RYR3: variants seen among roughly 807,000 people sequenced by gnomAD.
The protein encoded by RYR3 is ryanodine receptor 3, also known as brain ryanodine receptor-calcium release channel.
RYR3 carries 207 observed loss-of-function variants against 584.3 expected under a neutral mutation model. The observed-to-expected ratio is 0.35, with a 90% CI of 0.32 to 0.40. RYR3 has a LOEUF of 0.40. Among genes scored for constraint, RYR3 ranks in the 10% least tolerant of loss-of-function variants. The probability of loss-of-function intolerance (pLI) is 1.00; values close to 1 mark genes in which losing one functional copy is unlikely to be tolerated. For synonymous variants in RYR3, 2,416 were observed against 2,248.5 expected (o/e 1.07, Z -2.11); for missense variants, 5,616 against 6,089.2 (o/e 0.92, Z 2.59).
intron 1 of RYR3, among the ~76,000 whole-genome samples, chr15:33,317,360 T>G (rs1386246793): frequency 2.6e-5 from 4 of 152,166 alleles, no homozygotes; most frequent in South Asian, 2.1e-4. Context: ...CAGATGCTTC[T>G]AGGGTGGAGA....
intron 8 of RYR3, among the ~76,000 whole-genome samples, chr15:33,544,557 G>A (rs2056091992): frequency 6.6e-6 from 1 of 152,198 alleles, no homozygotes; most frequent in Admixed American, 6.5e-5. Context: ...CACACTGGCT[G>A]ATTTCAGATG....
chr15:33,794,090 AATAT>A (rs2075367240), intron 67 of RYR3, among the ~76,000 whole-genome samples: 1 of 127,576 alleles, frequency 7.8e-6, no homozygotes, highest in African/African-American at 3.1e-5. Context: ...ATATATACAT[AATAT>A]ATATTATATA....
intron 100 of RYR3, 109 bp from the exon 101 acceptor site, chr15:33,860,486 T>TG (rs1192414277): frequency 1.6e-6 from 1 of 620,088 alleles, no homozygotes; most frequent in Non-Finnish European, 2.7e-6. Context: ...AATTTTGCTT[T>TG]GATAATTCAC....
At chr15:33,335,676 C>T (rs1237014832) in intron 1 of RYR3, among the ~76,000 whole-genome samples, 1 of 151,436 alleles carries the variant, frequency 6.6e-6, no homozygotes, top group African/African-American at 2.4e-5. Flanking sequence ...ACTTCCTGCA[C>T]CTGTACACTT....
At chr15:33,550,755 T>C (rs2056617933) in intron 10 of RYR3, among the ~76,000 whole-genome samples, 3 of 152,198 alleles carry the variant, frequency 2.0e-5, no homozygotes, top group African/African-American at 7.2e-5. Flanking sequence ...AAGATTTAAA[T>C]GTAAAAAGCA....
At chr15:33,645,973 A>G (rs2062079938) in intron 28 of RYR3, among the ~76,000 whole-genome samples, 1 of 152,144 alleles carries the variant, frequency 6.6e-6, no homozygotes, top group Admixed American at 6.5e-5. Flanking sequence ...TTTCATGCCC[A>G]GTGACAAGCA....
At chr15:33,672,594 T>C (rs2063913056) in intron 38 of RYR3, among the ~76,000 whole-genome samples, 1 of 152,160 alleles carries the variant, frequency 6.6e-6, no homozygotes, top group South Asian at 2.1e-4. Flanking sequence ...AGAGAGTGGT[T>C]TAACAACCAC....
chr15:33,484,233 T>G (rs2050218098), intron 2 of RYR3, among the ~76,000 whole-genome samples: 1 of 151,954 alleles, frequency 6.6e-6, no homozygotes, highest in Non-Finnish European at 1.5e-5. Flanking sequence ...AGAAAAAGTT[T>G]TAAGGTTGTA....
intron 1 of RYR3, among the ~76,000 whole-genome samples, chr15:33,336,516 G>A (rs8028569): frequency 0.16 from 3,617 of 22,592 alleles, 1,296 homozygotes; most frequent in African/African-American, 0.4. Context: ...GAGGGAAGGA[G>A]GGAAGGAGGG....
chr15:33,832,163 G>A (rs920967364), intron 86 of RYR3, among the ~76,000 whole-genome samples: 4 of 151,820 alleles, frequency 2.6e-5, no homozygotes, highest in South Asian at 2.1e-4. Flanking sequence ...GCATGGTGTC[G>A]TGCGCGTGTA....
intron 52 of RYR3, among the ~76,000 whole-genome samples, 160 bp downstream of exon 52, chr15:33,742,604 A>C (rs1183894438): frequency 6.6e-6 from 1 of 152,174 alleles, no homozygotes; most frequent in Non-Finnish European, 1.5e-5. Flanking sequence ...GGGTTGGTGG[A>C]GGTCAAAGAA....
intron 94 of RYR3, among the ~76,000 whole-genome samples, 159 bp downstream of exon 94, chr15:33,848,580 C>G (rs2078874874): frequency 6.6e-6 from 1 of 152,202 alleles, no homozygotes; most frequent in African/African-American, 2.4e-5. Flanking sequence ...TACTGCCCAT[C>G]AAATACTTGT....
At position 33,816,867 on chromosome 15, in the gene RYR3, G is replaced by A. The variant is rs372700273; in HGVS notation, c.10508G>A (p.Arg3503His). ...MAPLYNLPRHRSINLFLHGYQ... is the reference protein window; with the variant it reads ...MAPLYNLPRHHSINLFLHGYQ... ...CTCTCACCCCTTCCGCTCAGGCACCGCTCTATTAACCTCTTCCTCCATGGC... is the reference window on the plus strand; with the variant it reads ...CTCTCACCCCTTCCGCTCAGGCACCACTCTATTAACCTCTTCCTCCATGGC... The change falls in exon 75 of 104, where the codon CGC (arginine) becomes CAC (histidine). Residue 3503 changes from arginine (R) to histidine (H), a missense_variant. Transcript: ENST00000634891. 45 of 1,609,742 alleles carry A rather than the reference G, an allele frequency of 2.8e-5. 1 individual carries two copies. Among genetic ancestry groups the A allele is most frequent in the South Asian group, 2.1e-4 (19 of 90,310 alleles).
intron 1 of RYR3, among the ~76,000 whole-genome samples, chr15:33,464,634 TTTTA>T (rs1306275405): frequency 6.6e-6 from 1 of 151,196 alleles, no homozygotes; most frequent in Non-Finnish European, 1.5e-5. Flanking sequence ...ATTGATATAT[TTTTA>T]TTTAAGGTAT....
chr15:33,363,172 G>T (rs1030428422), intron 1 of RYR3, among the ~76,000 whole-genome samples: 1 of 152,190 alleles, frequency 6.6e-6, no homozygotes, highest in Non-Finnish European at 1.5e-5. Context: ...AGAAAGCAGA[G>T]AACTTATGTA....
chr15:33,651,945 A>G (rs572888043), intron 31 of RYR3, among the ~76,000 whole-genome samples: 2 of 152,218 alleles, frequency 1.3e-5, no homozygotes, highest in Non-Finnish European at 2.9e-5. Flanking sequence ...GCCACTGCAC[A>G]TCTCCACAGC....
chr15:33,478,836 A>G (rs528460734), intron 2 of RYR3, among the ~76,000 whole-genome samples: 126 of 152,342 alleles, frequency 8.3e-4, no homozygotes, highest in African/African-American at 2.9e-3. Flanking sequence ...TTTGTTTAAA[A>G]TAAGTTTCAA....
At position 33,827,240 on chromosome 15, in the gene RYR3, A is replaced by C; in HGVS notation, c.11287A>C (p.Thr3763Pro). ...GCGGACTCAGATGGGCAACACCACC[A>C]CCGTGAATGTCATCATCAGCACTGT... is the stretch of plus-strand genomic sequence containing the variant. ...FLRTQMGNTT[T>P]VNVIISTVDY... The change falls in exon 85 of 104, where the codon ACC becomes CCC. Residue 3763 changes from threonine to proline, a missense_variant. Coordinates refer to ENST00000634891, the MANE Select transcript of RYR3 (RefSeq NM_001036.6). 1 of 1,552,528 alleles carries C rather than the reference A, an allele frequency of 6.4e-7. No homozygotes were observed. Among genetic ancestry groups the C allele is most frequent in the Non-Finnish European group, 8.7e-7 (1 of 1,147,574 alleles).
At chr15:33,548,977 G>T in intron 9 of RYR3, among the ~76,000 whole-genome samples, 1 of 152,032 alleles carries the variant, frequency 6.6e-6, no homozygotes, top group East Asian at 1.9e-4. Context: ...CTCACGCAGG[G>T]TATATGCCCC....
Sources: gnomAD v4.1 joint callset for allele counts (sites outside exome capture counted in the v4.1 genomes callset) on GRCh38, gnomAD v4.1.1 for gene constraint, MANE v1.5 for transcripts, NCBI Gene and HGNC (gene_info 2026-07-23, HGNC 2026-07-21) for gene names.